Variants in CNTN5 observed in about 807,000 individuals in gnomAD.
CNTN5 encodes the protein contactin 5.
CNTN5 carries 77 observed loss-of-function variants against 129.1 expected under a neutral mutation model. The observed-to-expected ratio is 0.60, with a 90% confidence interval of 0.50 to 0.72. The LOEUF is 0.72. Ranked by LOEUF, CNTN5 falls within the 30% of genes least tolerant of loss-of-function variation. CNTN5 has a pLI of 0.00. For synonymous variants in CNTN5, 509 were observed against 465.6 expected, an observed-to-expected ratio of 1.09 and a Z score of -1.20; for missense variants, 1,478 against 1,328.8, an observed-to-expected ratio of 1.11 and a Z score of -1.75.
At chr11:100,191,338 G>T (rs578173409) in intron 14 of CNTN5, 85 bp downstream of exon 14, 2 of 1,179,136 alleles carry the variant, frequency 1.7e-6, no homozygotes, top group Non-Finnish European at 2.3e-6. Context: ...ATGCATATAT[G>T]TTTGGACTTA....
At chr11:99,623,438 A>T (rs918889513) in intron 3 of CNTN5, among the ~76,000 whole-genome samples, 1 of 152,136 alleles carries the variant, frequency 6.6e-6, no homozygotes, top group Non-Finnish European at 1.5e-5. Context: ...GATAGTCAAC[A>T]GTCTTGCCAA....
chr11:99,649,338 G>T (rs557459343), intron 3 of CNTN5, among the ~76,000 whole-genome samples: 35 of 151,778 alleles, frequency 2.3e-4, no homozygotes, highest in Middle Eastern at 3.4e-3. Context: ...ATCAAAATGA[G>T]TCAGAATCCC....
intron 6 of CNTN5, among the ~76,000 whole-genome samples, chr11:99,889,325 TGTGTG>T (rs1565642743): frequency 0.063 from 7,089 of 113,204 alleles, 542 homozygotes; most frequent in East Asian, 0.26. Flanking sequence ...TGTGTGTGTG[TGTGTG>T]TGTGTGTGTG....
chr11:99,298,668 C>T (rs919464461), intron 1 of CNTN5, among the ~76,000 whole-genome samples: 2 of 152,094 alleles, frequency 1.3e-5, no homozygotes, highest in Non-Finnish European at 2.9e-5. Flanking sequence ...AGAGCAGGAA[C>T]ATCACCATCT....
chr11:100,094,617 T>G (rs1241020358), intron 13 of CNTN5, among the ~76,000 whole-genome samples: 1 of 151,782 alleles, frequency 6.6e-6, no homozygotes, highest in Non-Finnish European at 1.5e-5. Flanking sequence ...TATTCTTCAC[T>G]GCCAGCTTCT....
chr11:100,043,077 A>T (rs1942467235), intron 9 of CNTN5, among the ~76,000 whole-genome samples: 1 of 152,172 alleles, frequency 6.6e-6, no homozygotes, highest in African/African-American at 2.4e-5. Flanking sequence ...TATTATAGAG[A>T]AATTTGTTTT....
intron 3 of CNTN5, among the ~76,000 whole-genome samples, chr11:99,679,257 G>A (rs1045841588): frequency 6.7e-6 from 1 of 149,292 alleles, no homozygotes; most frequent in African/African-American, 2.5e-5. Flanking sequence ...CCTTAAAAAG[G>A]GTGAAATTAA....
At chr11:100,171,449 C>T (rs1947823458) in intron 13 of CNTN5, among the ~76,000 whole-genome samples, 1 of 151,968 alleles carries the variant, frequency 6.6e-6, no homozygotes, top group Non-Finnish European at 1.5e-5. Flanking sequence ...GAATATTTGT[C>T]CTTTTCCTTT....
intron 1 of CNTN5, among the ~76,000 whole-genome samples, chr11:99,201,346 T>TTTCA (rs1859179594): frequency 8.8e-6 from 1 of 113,230 alleles, no homozygotes; most frequent in Admixed American, 8.7e-5. Flanking sequence ...CCTTCCTTCC[T>TTTCA]TTCCTTTCCT....
chr11:100,337,917 C>T (rs911973810), intron 21 of CNTN5, among the ~76,000 whole-genome samples: 1 of 152,190 alleles, frequency 6.6e-6, no homozygotes, highest in Non-Finnish European at 1.5e-5. Flanking sequence ...TGAAAACATG[C>T]TCATGCTCTC....
intron 1 of CNTN5, among the ~76,000 whole-genome samples, chr11:99,041,559 A>G (rs959594905): frequency 6.6e-6 from 1 of 152,232 alleles, no homozygotes; most frequent in Non-Finnish European, 1.5e-5. Context: ...TTGAAGGAAT[A>G]CATGACTGTA....
chr11:100,004,585 A>T (rs1304116772), intron 9 of CNTN5, among the ~76,000 whole-genome samples: 1 of 152,208 alleles, frequency 6.6e-6, no homozygotes, highest in Non-Finnish European at 1.5e-5. Context: ...TGTAATCAGG[A>T]TCCAACTCAG....
chr11:99,348,245 A>G (rs1938042940), intron 2 of CNTN5, among the ~76,000 whole-genome samples: 1 of 152,128 alleles, frequency 6.6e-6, no homozygotes, highest in Non-Finnish European at 1.5e-5. Flanking sequence ...AGGCTGAGGC[A>G]GGAGAATGGC....
chr11:99,930,141 G>A (rs1252279063), intron 7 of CNTN5, among the ~76,000 whole-genome samples: 1 of 152,090 alleles, frequency 6.6e-6, no homozygotes, highest in Non-Finnish European at 1.5e-5. Context: ...TCATTTGGTG[G>A]TTGAGGTTAT....
intron 1 of CNTN5, among the ~76,000 whole-genome samples, chr11:99,213,175 A>G (rs1304851717): frequency 6.7e-6 from 1 of 149,940 alleles, no homozygotes; most frequent in African/African-American, 2.4e-5. Context: ...AGGGCGACAG[A>G]GTGAGACTCC....
chr11:99,564,251 T>A (rs1002972248), intron 3 of CNTN5, among the ~76,000 whole-genome samples: 7 of 152,034 alleles, frequency 4.6e-5, no homozygotes, highest in African/African-American at 1.7e-4. Flanking sequence ...CAGGGTAATT[T>A]TTTTATTTTT....
At chr11:99,140,322 G>C (rs924065996) in intron 1 of CNTN5, among the ~76,000 whole-genome samples, 4 of 152,000 alleles carry the variant, frequency 2.6e-5, no homozygotes, top group African/African-American at 9.7e-5. Flanking sequence ...AGTGAGCATA[G>C]TACATACTAG....
intron 13 of CNTN5, among the ~76,000 whole-genome samples, chr11:100,138,474 G>A (rs577461031): frequency 1.3e-5 from 2 of 151,958 alleles, no homozygotes; most frequent in East Asian, 1.9e-4. Context: ...GTGCAATGGA[G>A]AAAAAAATAA....
At chr11:99,174,047 G>T (rs962605998) in intron 1 of CNTN5, among the ~76,000 whole-genome samples, 5 of 152,104 alleles carry the variant, frequency 3.3e-5, no homozygotes, top group Non-Finnish European at 1.5e-5. Context: ...ACGCAGGCTG[G>T]AGTGCAGTGG....
Sources: gnomAD v4.1 joint callset for allele counts (sites outside exome capture counted in the v4.1 genomes callset) on GRCh38, gnomAD v4.1.1 for gene constraint, MANE v1.5 for transcripts, NCBI Gene and HGNC (gene_info 2026-07-23, HGNC 2026-07-21) for gene names.